Variants in HSDL1 observed in about 807,000 individuals in gnomAD.
HSDL1 encodes inactive hydroxysteroid dehydrogenase-like protein 1.
In HSDL1, 29 loss-of-function variants were observed where a neutral mutation model predicts 31.5. The observed-to-expected ratio is 0.92, with a 90% CI of 0.69 to 1.26. The LOEUF (loss-of-function observed/expected upper bound fraction) is 1.26. HSDL1 is among the 50% of genes most tolerant of loss of function. The pLI is 0.00. For synonymous variants in HSDL1, 222 were observed against 155.2 expected (o/e 1.43, Z -3.20); for missense variants, 503 against 416.6 (o/e 1.21, Z -1.81).
intron 5 of HSDL1, 83 bp downstream of exon 5, chr16:84,129,465 A>T: frequency 1.0e-6 from 1 of 985,280 alleles, no homozygotes; most frequent in Non-Finnish European, 1.6e-6. Context: ...TTCTCATCTT[A>T]GGCTTTAATC....
intron 1 of HSDL1, among the ~76,000 whole-genome samples, chr16:84,135,878 T>G (rs2086707443): frequency 6.6e-6 from 1 of 152,210 alleles, no homozygotes; most frequent in African/African-American, 2.4e-5. Flanking sequence ...CCTTTTTTCC[T>G]AGGGAACATT....
chr16:84,141,246 C>G (rs1597381010), intron 1 of HSDL1, among the ~76,000 whole-genome samples: 3 of 152,142 alleles, frequency 2.0e-5, no homozygotes, highest in Non-Finnish European at 2.9e-5. Context: ...CCATCCTCCT[C>G]GGCAGCTGCA....
At chr16:84,142,142 G>A (rs2086774593) in intron 1 of HSDL1, among the ~76,000 whole-genome samples, 7 of 152,090 alleles carry the variant, frequency 4.6e-5, no homozygotes, top group Admixed American at 4.6e-4. Flanking sequence ...TGCCCAGGCT[G>A]GTCTCAAACT....
intron 1 of HSDL1, among the ~76,000 whole-genome samples, chr16:84,138,456 G>A (rs990297257): frequency 5.3e-5 from 8 of 152,158 alleles, no homozygotes; most frequent in African/African-American, 1.9e-4. Context: ...TTAGAGGGTA[G>A]ATCTCAAGTG....
intron 1 of HSDL1, among the ~76,000 whole-genome samples, chr16:84,140,218 G>A (rs1440176346): frequency 1.3e-5 from 2 of 152,170 alleles, no homozygotes; most frequent in Non-Finnish European, 1.5e-5. Context: ...GAGAGCACAG[G>A]CCTCTGGAGG....
At chr16:84,144,672 G>C (rs547506235) in intron 1 of HSDL1, among the ~76,000 whole-genome samples, 1 of 152,036 alleles carries the variant, frequency 6.6e-6, no homozygotes, top group South Asian at 2.1e-4. Flanking sequence ...CTCGGGGGAG[G>C]AGCCGGGTGA....
At chr16:84,141,122 C>T (rs1378047345) in intron 1 of HSDL1, among the ~76,000 whole-genome samples, 1 of 151,974 alleles carries the variant, frequency 6.6e-6, no homozygotes, top group Non-Finnish European at 1.5e-5. Context: ...TGCTAAGTTT[C>T]GCCTGGTTTT....
At chr16:84,144,220 T>C (rs776639591) in intron 1 of HSDL1, 1 of 152,110 alleles carries the variant, frequency 6.6e-6, no homozygotes, top group African/African-American at 2.4e-5. Flanking sequence ...CTCCCGTTTA[T>C]AGATGGGGAA....
At chr16:84,124,964 C>T in intron 5 of HSDL1, 1 of 347,430 alleles carries the variant, frequency 2.9e-6, no homozygotes, top group East Asian at 4.8e-5. Context: ...ATAACAAATA[C>T]CCACCAATCA....
chr16:84,144,921 C>T (rs1315185200), intron 1 of HSDL1, among the ~76,000 whole-genome samples, 159 bp downstream of exon 1: 1 of 150,708 alleles, frequency 6.6e-6, no homozygotes, highest in Non-Finnish European at 1.5e-5. Context: ...CGCCAAGGGG[C>T]TTCGGGGCCG....
At position 84,130,194 on chromosome 16, in the gene HSDL1, C is replaced by A; in HGVS notation, c.458G>T (p.Gly153Val). Reference sequence around the variant, plus strand: ...ATACTGCGGGTAGGGATAAAACACACCCACGTTATTTACCAAGATGCCAAC... The same window carrying A: ...ATACTGCGGGTAGGGATAAAACACAACCACGTTATTTACCAAGATGCCAAC... ...KDVGILVNNV[G>V]VFYPYPQYFT... Residue 153 changes from glycine to valine, a missense_variant, in exon 4 of 6, where the codon GGT (glycine) becomes GTT (valine). Physicochemically the swap from Gly to Val is moderately radical, Grantham distance 109. Transcript: ENST00000219439. The A allele has an allele frequency of 4.3e-6, 7 of 1,614,196 alleles. No individual in the cohort carries two copies. The highest frequency in any genetic ancestry group is 5.9e-6 in the Non-Finnish European group (7 of 1,180,044).
Position 84,129,723 on chromosome 16 carries a change from C to T in HSDL1, c.719G>A (p.Gly240Glu), listed in dbSNP as rs772608840. 6 of 1,614,038 alleles carry T rather than the reference C, an allele frequency of 3.7e-6. No homozygotes were observed. Among genetic ancestry groups the T allele is most frequent in the East Asian group, 2.2e-5 (1 of 44,898 alleles). ...AGGGATTAGACTCTGTACAAAGATTCCTTTAGAGGCATATTCATATTGCAA... is the reference window on the plus strand; with the variant it reads ...AGGGATTAGACTCTGTACAAAGATTTCTTTAGAGGCATATTCATATTGCAA... ...RALQYEYASK[G>E]IFVQSLIPFY... The change falls in exon 5 of 6, where the codon GGA becomes GAA. Residue 240 changes from glycine to glutamate, a missense_variant. Gly to Glu is a moderately conservative substitution (Grantham distance 98). Coordinates refer to ENST00000219439, the MANE Select transcript of HSDL1 (RefSeq NM_031463.5).
intron 5 of HSDL1, chr16:84,125,174 T>G (rs1411632037): frequency 9.3e-5 from 14 of 151,044 alleles, no homozygotes; most frequent in Admixed American, 2.7e-4. Flanking sequence ...TACCCACCAA[T>G]CAATCACAAC....
intron 5 of HSDL1, among the ~76,000 whole-genome samples, chr16:84,127,200 C>G (rs1199738955): frequency 7.4e-6 from 1 of 135,642 alleles, no homozygotes; most frequent in Non-Finnish European, 1.6e-5. Flanking sequence ...TTAAATAAAA[C>G]TGTTTCTTCT....
Position 84,130,304 on chromosome 16 carries a change from T to C in HSDL1, c.348A>G (p.Lys116=), listed in dbSNP as rs748828171. The C allele has an allele frequency of 5.6e-6, 9 of 1,614,120 alleles. No homozygotes were observed. In the East Asian group the frequency reaches 2.0e-4, roughly 36 times the overall value. Residue 116 remains lysine (K), a synonymous_variant, in exon 4 of 6, where the codon AAA becomes AAG. Transcript: ENST00000219439. ...VVAKDIADTY[K]VETDIIVADF... ...CCGCAACTATAATATCAGTTTCCACTTTGTACGTGTCGGCTATGTCTTTAG... is the reference window on the plus strand; with the variant it reads ...CCGCAACTATAATATCAGTTTCCACCTTGTACGTGTCGGCTATGTCTTTAG...
intron 2 of HSDL1, among the ~76,000 whole-genome samples, chr16:84,135,106 A>G (rs1157082134): frequency 6.6e-6 from 1 of 151,922 alleles, no homozygotes; most frequent in Admixed American, 6.6e-5. Context: ...GGTGGCGGGC[A>G]CCTGTAGTCC....
At position 84,130,860 on chromosome 16, in the gene HSDL1, T is replaced by C. The variant is rs557339962; in HGVS notation, c.220+242A>G. The C allele has an allele frequency of 3.0e-5, 14 of 473,202 alleles. No homozygotes were observed. In the South Asian group the frequency reaches 4.1e-4, roughly 14 times the overall value. 29.3% of individuals were successfully genotyped at this position (473,202 alleles called of 1,614,324 possible). On this transcript the variant is annotated intron_variant, in intron 3 of 5. Coordinates refer to ENST00000219439, the MANE Select transcript of HSDL1 (RefSeq NM_031463.5). ...AAAAGGAAAAGCACATAGTAGGAAG[T>C]GGGTCTGGAGGAGGACTGGGAACAG...
chr16:84,130,444 T>A lies in HSDL1; in HGVS notation c.221-13A>T. ...CCATCTGTTGCACCTAGGATGCAAG[T>A]CAGGAAAAGTGAGCATGTGTATTTC... On this transcript the variant is annotated splice_polypyrimidine_tract_variant and intron_variant, in intron 3 of 5. Coordinates refer to ENST00000219439, the MANE Select transcript of HSDL1 (RefSeq NM_031463.5). 6.3e-7 allele frequency: 1 copy of A among 1,591,692 alleles called. No individual in the cohort carries two copies. The highest frequency in any genetic ancestry group is 8.6e-7 in the Non-Finnish European group (1 of 1,168,216).
intron 2 of HSDL1, among the ~76,000 whole-genome samples, chr16:84,132,044 G>A (rs1474281357): frequency 2.0e-5 from 3 of 152,170 alleles, no homozygotes; most frequent in Non-Finnish European, 4.4e-5. Context: ...TTCTTCCAAG[G>A]AGACTAATCA....
Sources: gnomAD v4.1 joint callset for allele counts (sites outside exome capture counted in the v4.1 genomes callset) on GRCh38, gnomAD v4.1.1 for gene constraint, MANE v1.5 for transcripts, NCBI Gene and HGNC (gene_info 2026-07-23, HGNC 2026-07-21) for gene names.